The following HIVEP1 variants were observed in gnomAD, a reference collection of about 807,000 sequenced individuals.
The protein encoded by HIVEP1 is zinc finger protein 40.
A neutral mutation model predicts 180.0 loss-of-function variants in HIVEP1; 36 were observed. The observed-to-expected ratio is 0.20, with a 90% CI of 0.15 to 0.26. The LOEUF is 0.26. Ranked by LOEUF, HIVEP1 falls within the 10% of genes least tolerant of loss-of-function variation. The pLI is 1.00. For missense variants in HIVEP1, 3,143 were observed against 3,268.7 expected, an observed-to-expected ratio of 0.96 and a Z score of 0.94; for synonymous variants, 1,239 against 1,239.0, an observed-to-expected ratio of 1.00 and a Z score of 0.00.
intron 2 of HIVEP1, among the ~76,000 whole-genome samples, chr6:12,087,771 CTCA>C (rs1377562738): frequency 2.0e-5 from 3 of 152,108 alleles, no homozygotes; most frequent in Admixed American, 2.0e-4. Flanking sequence ...TTCAACTTCA[CTCA>C]TCGTTTCATG....
intron 2 of HIVEP1, among the ~76,000 whole-genome samples, chr6:12,070,470 T>C (rs994163855): frequency 6.6e-6 from 1 of 152,050 alleles, no homozygotes; most frequent in African/African-American, 2.4e-5. Context: ...GGTAGATCAC[T>C]TGGGGTTAGG....
intron 6 of HIVEP1, among the ~76,000 whole-genome samples, chr6:12,134,479 A>G (rs189949790): frequency 6.6e-6 from 1 of 152,206 alleles, no homozygotes; most frequent in Non-Finnish European, 1.5e-5. Flanking sequence ...TGCATTTATC[A>G]GGAAATTGAA....
intron 7 of HIVEP1, among the ~76,000 whole-genome samples, chr6:12,140,677 T>C (rs1758970111): frequency 6.6e-6 from 1 of 152,158 alleles, no homozygotes. Flanking sequence ...AGACCTTAAA[T>C]GACCTGATGG....
At chr6:12,113,201 G>A (rs1775014321) in intron 3 of HIVEP1, among the ~76,000 whole-genome samples, 1 of 150,534 alleles carries the variant, frequency 6.6e-6, no homozygotes, top group East Asian at 1.9e-4. Context: ...GGCAAACAGG[G>A]CATTCTAGAT....
chr6:12,089,128 G>A (rs1773292987), intron 2 of HIVEP1, 56 bp from the exon 3 acceptor site: 6 of 946,992 alleles, frequency 6.3e-6, no homozygotes, highest in African/African-American at 3.3e-5. Context: ...TTGCTTTACT[G>A]TACTCTTATT....
intron 3 of HIVEP1, among the ~76,000 whole-genome samples, chr6:12,106,719 T>G (rs1291887062): frequency 1.3e-5 from 2 of 152,218 alleles, no homozygotes; most frequent in Non-Finnish European, 2.9e-5. Flanking sequence ...TCTTTCATTG[T>G]GTTAGTTGAA....
intron 2 of HIVEP1, among the ~76,000 whole-genome samples, chr6:12,026,054 AG>A (rs1441982412): frequency 2.0e-4 from 31 of 151,988 alleles, no homozygotes; most frequent in Non-Finnish European, 3.4e-4. Context: ...AAAAAAAAAA[AG>A]AACAATTTTT....
In HIVEP1 at chr6:12,122,948, T is replaced by G. The variant is rs1214104829; in HGVS notation, c.3153T>G (p.Ser1051=). The stretch of plus-strand genomic sequence containing the variant: ...TTCAGCAAAATGAAAGTGGAACATC[T>G]CCAAAAAGTTCTGAAGGCCTTCAGT... ...EELQQNESGT[S]PKSSEGLQFQ... Residue 1051 remains serine, a synonymous_variant, in exon 4 of 9, where the codon TCT becomes TCG. Transcript: ENST00000379388. 6.2e-7 allele frequency: 1 copy of G among 1,613,738 alleles called. No homozygotes were observed. Among genetic ancestry groups the G allele is most frequent in the Non-Finnish European group, 8.5e-7 (1 of 1,179,926 alleles).
At chr6:12,171,031 A>G in the HIVEP1 span, among the ~76,000 whole-genome samples, 1 of 152,292 alleles carries the variant, frequency 6.6e-6, no homozygotes, top group Admixed American at 6.5e-5. Flanking sequence ...AACCAAGTGG[A>G]GAGATGGGCT....
Position 12,125,315 on chromosome 6 carries a change from A to T in HIVEP1, c.5520A>T (p.Ser1840=). ...ATGTTTTACCAGCTGATAATTCATC[A>T]ACAGGATGCTCTAAATTTGTCGTTA... The part of the protein sequence containing the change: ...LTNVLPADNS[S]TGCSKFVVIE... Residue 1840 remains serine (S), a synonymous_variant, in exon 4 of 9, where the codon TCA becomes TCT. Coordinates refer to ENST00000379388, the MANE Select transcript of HIVEP1 (RefSeq NM_002114.4). 1 of 1,613,990 alleles carries T rather than the reference A, an allele frequency of 6.2e-7. No homozygotes were observed.
At chr6:12,088,992 CT>C (rs1773285016) in intron 2 of HIVEP1, among the ~76,000 whole-genome samples, 191 bp from the exon 3 acceptor site, 1 of 151,998 alleles carries the variant, frequency 6.6e-6, no homozygotes, top group Non-Finnish European at 1.5e-5. Flanking sequence ...GTCCTTGTGA[CT>C]AAGAAATGAT....
At chr6:12,078,988 A>G (rs1772585286) in intron 2 of HIVEP1, among the ~76,000 whole-genome samples, 1 of 152,104 alleles carries the variant, frequency 6.6e-6, no homozygotes, top group Admixed American at 6.6e-5. Context: ...TTAGTAGCCC[A>G]AGTTCAGTGG....
the HIVEP1 span, among the ~76,000 whole-genome samples, chr6:12,179,810 G>C: frequency 1.3e-5 from 2 of 152,142 alleles, no homozygotes; most frequent in East Asian, 3.9e-4. Context: ...TTTCCCAACA[G>C]TAGTTACTTA....
intron 5 of HIVEP1, 122 bp from the exon 6 acceptor site, chr6:12,130,645 A>G: frequency 1.9e-6 from 1 of 539,324 alleles, no homozygotes. Context: ...CATGCATAAA[A>G]TTGTTATTGG....
intron 2 of HIVEP1, among the ~76,000 whole-genome samples, chr6:12,077,829 A>G (rs1426028729): frequency 2.0e-5 from 3 of 151,958 alleles, no homozygotes; most frequent in African/African-American, 7.3e-5. Context: ...TTGGACAGTT[A>G]TTTTCACTGT....
chr6:12,124,902 G>A lies in HIVEP1; in HGVS notation c.5107G>A (p.Glu1703Lys), dbSNP rs1461269215. ...GAATGCTTTGCCAAACCCAGAGAAG[G>A]AATTTCTATGTGAAAATGTTTTTTC... is the stretch of plus-strand genomic sequence containing the variant. Reference protein sequence around the residue: ...HQNALPNPEKEFLCENVFSEM... With the variant: ...HQNALPNPEKKFLCENVFSEM... The change falls in exon 4 of 9, where the codon GAA (glutamate) becomes AAA (lysine). Residue 1703 changes from glutamate to lysine, a missense_variant. Coordinates refer to ENST00000379388, the MANE Select transcript of HIVEP1 (RefSeq NM_002114.4). 1.9e-6 allele frequency: 3 copies of A among 1,613,984 alleles called. No homozygotes were observed. In the South Asian group the frequency reaches 3.3e-5, roughly 18 times the overall value.
At chr6:12,205,967 T>C in the HIVEP1 span, among the ~76,000 whole-genome samples, 12 of 152,218 alleles carry the variant, frequency 7.9e-5, no homozygotes, top group Non-Finnish European at 1.6e-4. Flanking sequence ...ATGGGTTGTA[T>C]TGTGTCCGCC....
At chr6:12,191,102 A>G in the HIVEP1 span, among the ~76,000 whole-genome samples, 1 of 152,358 alleles carries the variant, frequency 6.6e-6, no homozygotes, top group African/African-American at 2.4e-5. Context: ...GGCTGTTACT[A>G]AATGGGCTAA....
intron 7 of HIVEP1, among the ~76,000 whole-genome samples, chr6:12,145,942 A>G (rs758423161): frequency 7.2e-5 from 11 of 152,202 alleles, no homozygotes; most frequent in Non-Finnish European, 1.3e-4. Flanking sequence ...TGAAGAAGGA[A>G]TATTAGACTC....
Sources: allele counts gnomAD v4.1 joint callset (sites outside exome capture counted in the v4.1 genomes callset), GRCh38; gene constraint gnomAD v4.1.1; transcripts MANE v1.5; gene names NCBI Gene and HGNC (gene_info 2026-07-23, HGNC 2026-07-21).